The following NEXMIF variants were observed in gnomAD, a reference collection of about 807,000 sequenced individuals.
NEXMIF encodes the protein XLMR protein related to neurite extension.
NEXMIF carries 8 observed loss-of-function variants against 62.1 expected under a neutral mutation model. The ratio of observed to expected loss-of-function variants is 0.13; its 90% CI spans 0.08 to 0.23. The LOEUF (loss-of-function observed/expected upper bound fraction) is 0.23. NEXMIF is among the 10% of genes least tolerant of loss of function. The pLI is 1.00. For synonymous variants in NEXMIF, 404 were observed against 416.6 expected (o/e 0.97, Z 0.37); for missense variants, 976 against 1,113.3 (o/e 0.88, Z 1.75).
intron 1 of NEXMIF, among the ~76,000 whole-genome samples, chrX:74,780,927 C>A (rs2080244639): frequency 9.0e-6 from 1 of 111,328 alleles, no homozygotes; most frequent in African/African-American, 3.3e-5. Context: ...GCCCTGGGGA[C>A]TCACCTGAAC....
chrX:74,879,492 A>G (rs766780083), intron 1 of NEXMIF, among the ~76,000 whole-genome samples: 9 of 112,450 alleles, frequency 8.0e-5, no homozygotes, highest in African/African-American at 2.9e-4. Context: ...AGAAAAATAA[A>G]GGGGAAAAGT....
intron 1 of NEXMIF, among the ~76,000 whole-genome samples, chrX:74,817,408 T>C (rs2080379564): frequency 9.0e-6 from 1 of 111,414 alleles, no homozygotes; most frequent in Non-Finnish European, 1.9e-5. Flanking sequence ...ACAAACACTT[T>C]CCAAACCATC....
At chrX:74,905,971 A>G (rs1451942150) in intron 1 of NEXMIF, among the ~76,000 whole-genome samples, 1 of 111,216 alleles carries the variant, frequency 9.0e-6, no homozygotes, top group African/African-American at 3.3e-5. Flanking sequence ...TTAAAATGAG[A>G]GAAATAGGAA....
At chrX:74,784,400 G>A (rs1333317135) in intron 1 of NEXMIF, among the ~76,000 whole-genome samples, 1 of 111,367 alleles carries the variant, frequency 9.0e-6, no homozygotes, top group Non-Finnish European at 1.9e-5. Context: ...TAGTGGTGAC[G>A]AAATTATCTC....
chrX:74,790,904 C>T (rs1474498095), intron 1 of NEXMIF, among the ~76,000 whole-genome samples: 3 of 109,823 alleles, frequency 2.7e-5, no homozygotes, highest in Admixed American at 9.7e-5. Context: ...TCTAGATATA[C>T]AATCATGTCG....
At chrX:74,886,606 C>G (rs1040725985) in intron 1 of NEXMIF, among the ~76,000 whole-genome samples, 1 of 110,638 alleles carries the variant, frequency 9.0e-6, no homozygotes, top group African/African-American at 3.3e-5. Flanking sequence ...TGTGAAGGAC[C>G]TCTTCAAGGA....
chrX:74,890,836 G>A (rs1490322020), intron 1 of NEXMIF, among the ~76,000 whole-genome samples: 1 of 111,207 alleles, frequency 9.0e-6, no homozygotes, highest in African/African-American at 3.3e-5. Flanking sequence ...ACCAGGGAGT[G>A]GCACACGGGA....
intron 1 of NEXMIF, among the ~76,000 whole-genome samples, chrX:74,889,151 A>G: frequency 8.9e-6 from 1 of 112,129 alleles, no homozygotes; most frequent in African/African-American, 3.2e-5. Context: ...ATTGAGAGGC[A>G]GAAATAAGCT....
intron 1 of NEXMIF, among the ~76,000 whole-genome samples, chrX:74,855,387 T>C (rs761521262): frequency 2.7e-5 from 3 of 112,014 alleles, no homozygotes; most frequent in Non-Finnish European, 5.6e-5. Flanking sequence ...TGGATCCCTA[T>C]CCCTCCAGTG....
At chrX:74,871,583 A>C (rs2080601074) in intron 1 of NEXMIF, among the ~76,000 whole-genome samples, 1 of 111,033 alleles carries the variant, frequency 9.0e-6, no homozygotes, top group Non-Finnish European at 1.9e-5. Context: ...CAACCGCATA[A>C]GACAGACACT....
Position 74,742,423 on chromosome X carries a change from G to T in NEXMIF, c.2134C>A (p.Pro712Thr), listed in dbSNP as rs1192882008. 6.6e-6 allele frequency: 8 copies of T among 1,208,828 alleles called. No homozygotes were observed. In the African/African-American group the frequency reaches 1.2e-4, roughly 19 times the overall value. The change falls in exon 3 of 4, where the codon CCA (proline) becomes ACA (threonine). Residue 712 changes from proline to threonine, a missense_variant. Physicochemically the swap from Pro to Thr is conservative, Grantham distance 38 (BLOSUM62 -1). Coordinates refer to ENST00000055682, the MANE Select transcript of NEXMIF (RefSeq NM_001008537.3). ...VKAQDTEFKGPERKVLNKIKF... is the reference protein window; with the variant it reads ...VKAQDTEFKGTERKVLNKIKF... ...ATTTTATTGAGCACTTTCCTCTCTG[G>T]CCCCTTAAACTCTGTGTCTTGGGCT...
intron 1 of NEXMIF, among the ~76,000 whole-genome samples, chrX:74,885,830 G>A (rs1471267197): frequency 1.8e-5 from 2 of 111,257 alleles, no homozygotes; most frequent in Non-Finnish European, 3.8e-5. Context: ...CCAAAGCCGG[G>A]CAGAGACACA....
chrX:74,923,657 C>T (rs770999289), intron 1 of NEXMIF, among the ~76,000 whole-genome samples: 1 of 111,853 alleles, frequency 8.9e-6, no homozygotes, highest in South Asian at 3.8e-4. Context: ...ACCATTACAG[C>T]ACCTTTTCTC....
chrX:74,878,151 G>A (rs1171833555), intron 1 of NEXMIF, among the ~76,000 whole-genome samples: 1 of 111,468 alleles, frequency 9.0e-6, no homozygotes, highest in African/African-American at 3.3e-5. Flanking sequence ...TGATGGTGAT[G>A]TACAGATGGG....
At chrX:74,763,867 G>T (rs2080185790) in intron 1 of NEXMIF, among the ~76,000 whole-genome samples, 1 of 111,787 alleles carries the variant, frequency 8.9e-6, no homozygotes, top group African/African-American at 3.3e-5. Flanking sequence ...GAGATTTTGG[G>T]CTGAGACAAT....
At chrX:74,839,653 A>G (rs906760814) in intron 1 of NEXMIF, among the ~76,000 whole-genome samples, 2 of 111,896 alleles carry the variant, frequency 1.8e-5, no homozygotes, top group Non-Finnish European at 3.8e-5. Context: ...CTTACAAGTG[A>G]GAACACGCGG....
chrX:74,870,471 G>A (rs1181255698), intron 1 of NEXMIF, among the ~76,000 whole-genome samples: 2 of 111,394 alleles, frequency 1.8e-5, no homozygotes, highest in Non-Finnish European at 3.8e-5. Flanking sequence ...GACAAATGGG[G>A]TCACATCAAG....
chrX:74,853,356 C>A (rs761719288), intron 1 of NEXMIF, among the ~76,000 whole-genome samples: 17 of 108,297 alleles, frequency 1.6e-4, no homozygotes, highest in Non-Finnish European at 3.8e-5. Context: ...GCCCTCTGAC[C>A]CTAGTCTTTT....
At chrX:74,887,705 T>G (rs966607372) in intron 1 of NEXMIF, among the ~76,000 whole-genome samples, 9 of 111,552 alleles carry the variant, frequency 8.1e-5, no homozygotes, top group Non-Finnish European at 1.9e-5. Flanking sequence ...GGTGGGACTG[T>G]AAACTAGTTC....
Sources: allele counts gnomAD v4.1 joint callset (sites outside exome capture counted in the v4.1 genomes callset), GRCh38; gene constraint gnomAD v4.1.1; transcripts MANE v1.5; gene names NCBI Gene and HGNC (gene_info 2026-07-23, HGNC 2026-07-21).